The following RARS2 variants were observed in gnomAD, a reference collection of about 807,000 sequenced individuals.
The protein encoded by RARS2 is arginyl-tRNA synthetase 2, mitochondrial, also known as probable arginine--tRNA ligase, mitochondrial.
Under a neutral mutation model 88.5 loss-of-function variants are expected in RARS2, and 67 were observed. That is an observed-to-expected ratio of 0.76 (90% CI 0.62 to 0.93). The LOEUF (loss-of-function observed/expected upper bound fraction) is 0.93. RARS2 is among the 40% of genes least tolerant of loss of function. The pLI is 0.00. For missense variants in RARS2, 664 were observed against 684.2 expected, an observed-to-expected ratio of 0.97 and a Z score of 0.33; for synonymous variants, 239 against 230.3, an observed-to-expected ratio of 1.04 and a Z score of -0.34.
intron 8 of RARS2, among the ~76,000 whole-genome samples, chr6:87,539,712 T>C (rs1780314061): frequency 6.6e-6 from 1 of 152,220 alleles, no homozygotes; most frequent in African/African-American, 2.4e-5. Flanking sequence ...CTGTCTCCTT[T>C]GTTCGGTATA....
At chr6:87,536,637 GAAAAAA>G (rs11459821) in intron 8 of RARS2, among the ~76,000 whole-genome samples, 1 of 106,858 alleles carries the variant, frequency 9.4e-6, no homozygotes, top group Non-Finnish European at 2.0e-5. Context: ...ACCCCATCAC[GAAAAAA>G]AAAAAAAGAA....
At chr6:87,570,046 A>AAAAAC (rs748726237) in intron 1 of RARS2, among the ~76,000 whole-genome samples, 13 of 152,286 alleles carry the variant, frequency 8.5e-5, no homozygotes, top group East Asian at 1.9e-4. Context: ...AAAACAGACA[A>AAAAAC]AAAACAAAAC....
chr6:87,555,741 T>G (rs1785665930), intron 4 of RARS2, among the ~76,000 whole-genome samples: 1 of 152,194 alleles, frequency 6.6e-6, no homozygotes, highest in Non-Finnish European at 1.5e-5. Context: ...CCATGTCTAT[T>G]CATTCTTACA....
intron 14 of RARS2, chr6:87,519,164 G>A (rs55688025): frequency 3.9e-5 from 11 of 281,030 alleles, no homozygotes; most frequent in Admixed American, 9.9e-5. Context: ...ATGTATGTGT[G>A]TATATATATA....
At chr6:87,537,754 A>G (rs1779653207) in intron 8 of RARS2, among the ~76,000 whole-genome samples, 1 of 152,236 alleles carries the variant, frequency 6.6e-6, no homozygotes, top group African/African-American at 2.4e-5. Context: ...AGAAAGAGTA[A>G]ATGCAGATTA....
intron 5 of RARS2, among the ~76,000 whole-genome samples, chr6:87,553,539 C>T (rs1784958934): frequency 6.6e-6 from 1 of 152,202 alleles, no homozygotes; most frequent in Non-Finnish European, 1.5e-5. Flanking sequence ...AATATGAAAG[C>T]AGCCAATGTA....
At chr6:87,551,694 C>T (rs1210695117) in intron 5 of RARS2, among the ~76,000 whole-genome samples, 1 of 147,398 alleles carries the variant, frequency 6.8e-6, no homozygotes, top group Admixed American at 6.9e-5. Context: ...AATAAACTGT[C>T]CCATTCAAGA....
At position 87,520,198 on chromosome 6, in the gene RARS2, C is replaced by T. The variant is rs145822668; in HGVS notation, c.1094G>A (p.Gly365Glu). Reference protein sequence around the residue: ...QQVFQMLKIMGYDWAERCQHV... With the variant: ...QQVFQMLKIMEYDWAERCQHV... Reference sequence around the variant, plus strand: ...ACATTACCTTTCTGCCCAGTCATATCCCATGATCTTCAGCATTTGGAATAC... The same window carrying T: ...ACATTACCTTTCTGCCCAGTCATATTCCATGATCTTCAGCATTTGGAATAC... Residue 365 changes from glycine to glutamate, a missense_variant, in exon 13 of 20, where the codon GGA becomes GAA. Coordinates refer to ENST00000369536, the MANE Select transcript of RARS2 (RefSeq NM_020320.5). 1.2e-6 allele frequency: 2 copies of T among 1,613,416 alleles called. No homozygotes were observed. The highest frequency in any genetic ancestry group is 1.7e-6 in the Non-Finnish European group (2 of 1,179,614).
At chr6:87,527,093 G>C (rs1296408143) in intron 10 of RARS2, among the ~76,000 whole-genome samples, 3 of 151,994 alleles carry the variant, frequency 2.0e-5, no homozygotes, top group Non-Finnish European at 4.4e-5. Flanking sequence ...GGTAGATCAG[G>C]AGGTCAGGAG....
At position 87,519,621 on chromosome 6, in the gene RARS2, A is replaced by C. The variant is rs779949030; in HGVS notation, c.1199T>G (p.Ile400Ser). The part of the protein sequence containing the change: ...VTFLEDVLNE[I>S]QLRMLQNMAS... The stretch of plus-strand genomic sequence containing the variant: ...CATGTTCTGTAGCATCCTTAATTGA[A>C]TCTCATTTAAAACATCTTCCAGGAA... Residue 400 changes from isoleucine to serine, a missense_variant, in exon 14 of 20, where the codon ATT becomes AGT. Coordinates refer to ENST00000369536, the MANE Select transcript of RARS2 (RefSeq NM_020320.5). 1 of 1,611,976 alleles carries C rather than the reference A, an allele frequency of 6.2e-7. No homozygotes were observed. The highest frequency in any genetic ancestry group is 8.5e-7 in the Non-Finnish European group (1 of 1,178,078).
chr6:87,530,767 G>A lies in RARS2; in HGVS notation c.771+17C>T, dbSNP rs781085056. ...GCACTGCATCATGGGAAAGCAGAAG[G>A]GAGGGTCAACCAATACCTTGTAAAC... On this transcript the variant is annotated intron_variant, in intron 9 of 19. Transcript: ENST00000369536. The A allele has an allele frequency of 6.2e-7, 1 of 1,613,808 alleles. No individual in the cohort carries two copies. Among genetic ancestry groups the A allele is most frequent in the Non-Finnish European group, 8.5e-7 (1 of 1,179,700 alleles).
At chr6:87,540,754 C>CTT (rs1780675694) in intron 8 of RARS2, among the ~76,000 whole-genome samples, 1 of 151,942 alleles carries the variant, frequency 6.6e-6, no homozygotes, top group Admixed American at 6.6e-5. Flanking sequence ...ATTGTTTGGA[C>CTT]AGGAAGGGCT....
intron 1 of RARS2, among the ~76,000 whole-genome samples, chr6:87,579,214 T>G (rs1238704971): frequency 6.6e-6 from 1 of 152,154 alleles, no homozygotes; most frequent in Non-Finnish European, 1.5e-5. Context: ...GCAGTTCCAA[T>G]ACTTTGCCGT....
At position 87,524,539 on chromosome 6, in the gene RARS2, C is replaced by T. The variant is rs749485811; in HGVS notation, c.974+18G>A. 6.4e-7 allele frequency: 1 copy of T among 1,570,444 alleles called. No homozygotes were observed. The highest frequency in any genetic ancestry group is 8.8e-7 in the Non-Finnish European group (1 of 1,140,560). Reference sequence around the variant, plus strand: ...ACAGATTTAGAACCAAATGTTGACCCTCACAGAGGCTACAAACCTGGTTGC... The same window carrying T: ...ACAGATTTAGAACCAAATGTTGACCTTCACAGAGGCTACAAACCTGGTTGC... On this transcript the variant is annotated intron_variant, in intron 11 of 19. Transcript: ENST00000369536.
At chr6:87,521,381 T>C (rs983713754) in intron 12 of RARS2, 83 bp downstream of exon 12, 7 of 1,080,130 alleles carry the variant, frequency 6.5e-6, no homozygotes, top group African/African-American at 6.2e-5. Context: ...TAGTTTTCCA[T>C]AGTTTTTCAA....
Position 87,524,552 on chromosome 6 carries a change from C to A in RARS2, c.974+5G>T. On this transcript the variant is annotated splice_donor_5th_base_variant and intron_variant, in intron 11 of 19. Coordinates refer to ENST00000369536, the MANE Select transcript of RARS2 (RefSeq NM_020320.5). ...CAAATGTTGACCCTCACAGAGGCTA[C>A]AAACCTGGTTGCATAGAGAGAAGTC... 1 of 1,598,496 alleles carries A rather than the reference C, an allele frequency of 6.3e-7. No homozygotes were observed. Among genetic ancestry groups the A allele is most frequent in the Non-Finnish European group, 8.6e-7 (1 of 1,165,910 alleles).
At chr6:87,570,865 T>C (rs1248929428) in intron 1 of RARS2, among the ~76,000 whole-genome samples, 2 of 152,160 alleles carry the variant, frequency 1.3e-5, no homozygotes, top group African/African-American at 4.8e-5. Flanking sequence ...ATTATTCCTA[T>C]CTGACAGGCA....
At chr6:87,563,870 TTTAA>T (rs1788607557) in intron 3 of RARS2, among the ~76,000 whole-genome samples, 1 of 152,228 alleles carries the variant, frequency 6.6e-6, no homozygotes. Context: ...AATCTGTAAA[TTTAA>T]TTAACACTTC....
rs1772727384 is a variant in RARS2, at chr6:87,518,835, G to C, written c.1294C>G (p.Leu432Val). The C allele has an allele frequency of 1.9e-6, 3 of 1,613,922 alleles. No homozygotes were observed. In the South Asian group the frequency reaches 3.3e-5, roughly 18 times the overall value. The change falls in exon 15 of 20, where the codon CTC becomes GTC. Residue 432 changes from leucine to valine, a missense_variant. Transcript: ENST00000369536. ...ETAERVGLAALIIQDFKGLLL... is the reference protein window; with the variant it reads ...ETAERVGLAAVIIQDFKGLLL... ...GAGTCTTAACAGACCTGAATAATGAGTGCTGCGAGCCCGACCCTCTCTGCA... is the reference window on the plus strand; with the variant it reads ...GAGTCTTAACAGACCTGAATAATGACTGCTGCGAGCCCGACCCTCTCTGCA...
Sources: allele counts gnomAD v4.1 joint callset (sites outside exome capture counted in the v4.1 genomes callset), GRCh38; gene constraint gnomAD v4.1.1; transcripts MANE v1.5; gene names NCBI Gene and HGNC (gene_info 2026-07-23, HGNC 2026-07-21).